Variants in ATXN1 observed in about 807,000 individuals in gnomAD.
ATXN1 encodes the protein ataxin-1.
A neutral mutation model predicts 56.4 loss-of-function variants in ATXN1; 8 were observed. The ratio of observed to expected loss-of-function variants is 0.14; its 90% CI spans 0.08 to 0.26. The LOEUF is 0.26. Ranked by LOEUF, ATXN1 falls within the 10% of genes least tolerant of loss-of-function variation. The pLI, the probability that ATXN1 is intolerant of heterozygous loss-of-function variation, is 1.00. For missense variants in ATXN1, 987 were observed against 1,106.5 expected (o/e 0.89, Z 1.53); for synonymous variants, 514 against 494.6 (o/e 1.04, Z -0.52).
chr6:16,653,568 C>T (rs1212546926), intron 3 of ATXN1, among the ~76,000 whole-genome samples: 5 of 152,220 alleles, frequency 3.3e-5, no homozygotes, highest in Non-Finnish European at 7.3e-5. Flanking sequence ...TTTCTCCTAG[C>T]CTGCTGCTCC....
intron 6 of ATXN1, among the ~76,000 whole-genome samples, chr6:16,368,279 C>G (rs905353452): frequency 2.0e-4 from 30 of 151,804 alleles, no homozygotes; most frequent in Non-Finnish European, 1.6e-4. Flanking sequence ...GACTGCTTAC[C>G]TCTCAAAACC....
chr6:16,353,018 G>T (rs1370315003), intron 6 of ATXN1, among the ~76,000 whole-genome samples: 1 of 152,160 alleles, frequency 6.6e-6, no homozygotes, highest in Non-Finnish European at 1.5e-5. Context: ...CTGCGCAGCG[G>T]ACAAGCTGGA....
chr6:16,511,866 T>C (rs2113684654), intron 5 of ATXN1, among the ~76,000 whole-genome samples: 1 of 152,330 alleles, frequency 6.6e-6, no homozygotes, highest in African/African-American at 2.4e-5. Flanking sequence ...AAGTGATTGA[T>C]GGTCAGTCCC....
chr6:16,665,834 G>A (rs1319232969), intron 2 of ATXN1, among the ~76,000 whole-genome samples: 1 of 152,168 alleles, frequency 6.6e-6, no homozygotes, highest in East Asian at 1.9e-4. Flanking sequence ...ACTGTGAGAA[G>A]TGTGCATTTT....
intron 4 of ATXN1, among the ~76,000 whole-genome samples, chr6:16,544,596 G>T (rs1181538572): frequency 6.6e-6 from 1 of 152,144 alleles, no homozygotes; most frequent in African/African-American, 2.4e-5. Context: ...TAGACAGCAG[G>T]TGTTTTCCAG....
intron 6 of ATXN1, among the ~76,000 whole-genome samples, chr6:16,335,516 G>C (rs943805382): frequency 1.3e-5 from 2 of 152,214 alleles, no homozygotes; most frequent in African/African-American, 4.8e-5. Flanking sequence ...ATCCAAGCTA[G>C]AAGGAGTCCA....
chr6:16,650,569 A>G (rs1429134073), intron 3 of ATXN1, among the ~76,000 whole-genome samples: 1 of 152,206 alleles, frequency 6.6e-6, no homozygotes, highest in African/African-American at 2.4e-5. Context: ...TATGAATTTT[A>G]TACTTAACAT....
chr6:16,545,174 T>C (rs941701672), intron 4 of ATXN1, among the ~76,000 whole-genome samples: 3 of 152,220 alleles, frequency 2.0e-5, no homozygotes, highest in Admixed American at 1.3e-4. Flanking sequence ...TAATTCACGT[T>C]TGATTTGAAG....
At chr6:16,422,499 G>A (rs1759057244) in intron 6 of ATXN1, among the ~76,000 whole-genome samples, 1 of 152,158 alleles carries the variant, frequency 6.6e-6, no homozygotes, top group Admixed American at 6.5e-5. Flanking sequence ...CTTGGAGAGA[G>A]AGACTTGGAA....
intron 5 of ATXN1, among the ~76,000 whole-genome samples, chr6:16,494,688 GAATAAAATGAA>G (rs1760737948): frequency 6.6e-6 from 1 of 152,110 alleles, no homozygotes; most frequent in African/African-American, 2.4e-5. Flanking sequence ...TGCATATCAA[GAATAAAATGAA>G]AATAAAATGT....
intron 6 of ATXN1, among the ~76,000 whole-genome samples, chr6:16,353,807 C>T (rs570121717): frequency 5.3e-5 from 8 of 152,222 alleles, no homozygotes; most frequent in Non-Finnish European, 1.5e-5. Context: ...AGATCACAAT[C>T]GTGCATGAGG....
chr6:16,518,470 G>T (rs776399445), intron 5 of ATXN1, among the ~76,000 whole-genome samples: 2 of 152,154 alleles, frequency 1.3e-5, no homozygotes, highest in African/African-American at 2.4e-5. Flanking sequence ...CAGGTGGCCT[G>T]CGACCAGGCT....
At position 16,306,442 on chromosome 6, in the gene ATXN1, T is replaced by C. The variant is rs1176120101; in HGVS notation, c.2335A>G (p.Ser779Gly). 2.7e-5 allele frequency: 44 copies of C among 1,614,026 alleles called. No individual in the cohort carries two copies. Among genetic ancestry groups the C allele is most frequent in the Non-Finnish European group, 3.7e-5 (44 of 1,180,024 alleles). Residue 779 changes from serine (S) to glycine (G), a missense_variant, in exon 8 of 8, where the codon AGC becomes GGC. By Grantham distance (56) the Ser-to-Gly change is moderately conservative. Around this residue, in one of 3 missense-constraint regions of ATXN1, gnomAD observed 196 missense variants for 196.7 expected, o/e 1.00. Transcript: ENST00000436367. This position sits in a 1 kb window ranked among gnomAD's most constrained non-coding sequence, Gnocchi z 5.2. ...TCTTCTGACTTCTCCAGTTTGCGGC[T>C]CTCTGGCGCCGACCACCTCCTCTTC... ...TRKRRWSAPE[S>G]RKLEKSEDEP...
chr6:16,504,229 C>A (rs1760939400), intron 5 of ATXN1, among the ~76,000 whole-genome samples: 1 of 152,206 alleles, frequency 6.6e-6, no homozygotes, highest in African/African-American at 2.4e-5. Context: ...CCTAAGCCCT[C>A]ACTGACTCCT....
intron 6 of ATXN1, among the ~76,000 whole-genome samples, chr6:16,401,726 T>C (rs950578543): frequency 9.9e-5 from 15 of 152,240 alleles, no homozygotes; most frequent in Non-Finnish European, 2.2e-4. Context: ...TGTTTATATC[T>C]CATGAGTGTA....
chr6:16,523,537 C>G (rs1490736627), intron 4 of ATXN1, among the ~76,000 whole-genome samples: 1 of 152,128 alleles, frequency 6.6e-6, no homozygotes, highest in Non-Finnish European at 1.5e-5. Flanking sequence ...TCTTTATTTG[C>G]GGAGATGGAG....
At chr6:16,406,621 T>C (rs904295004) in intron 6 of ATXN1, among the ~76,000 whole-genome samples, 35 of 152,254 alleles carry the variant, frequency 2.3e-4, no homozygotes, top group African/African-American at 8.2e-4. Flanking sequence ...ATCAATGTAC[T>C]TTATGTTCTT....
chr6:16,680,233 T>C (rs971995304), intron 2 of ATXN1, among the ~76,000 whole-genome samples: 4 of 152,150 alleles, frequency 2.6e-5, no homozygotes, highest in African/African-American at 7.2e-5. Flanking sequence ...GGGAGCAGAA[T>C]TGGCCTGTGT....
chr6:16,427,326 C>G (rs77201521), intron 6 of ATXN1, among the ~76,000 whole-genome samples: 2,160 of 152,296 alleles, frequency 0.014, 22 homozygotes, highest in Non-Finnish European at 0.021. Flanking sequence ...AGCTCCTCCC[C>G]AGTCGTGACA....
Sources: allele counts gnomAD v4.1 joint callset (sites outside exome capture counted in the v4.1 genomes callset), GRCh38; gene constraint gnomAD v4.1.1; regional missense constraint gnomAD v4.1.1; non-coding constraint Gnocchi (gnomAD v3.1); transcripts MANE v1.5; gene names NCBI Gene and HGNC (gene_info 2026-07-23, HGNC 2026-07-21).